The following SSPN variants were observed in gnomAD, a reference collection of about 807,000 sequenced individuals.
The protein encoded by SSPN is K-ras oncogene-associated protein.
SSPN carries 15 observed loss-of-function variants against 19.1 expected under a neutral mutation model. The observed-to-expected ratio is 0.78, with a 90% CI of 0.52 to 1.21. The LOEUF (loss-of-function observed/expected upper bound fraction) is 1.21, where lower values mean the gene tolerates loss of function less well. Among genes scored for constraint, SSPN ranks in the 50% most tolerant of loss-of-function variants. The pLI is 0.00. For missense variants in SSPN, 291 were observed against 314.0 expected, an observed-to-expected ratio of 0.93 and a Z score of 0.55; for synonymous variants, 147 against 140.3, an observed-to-expected ratio of 1.05 and a Z score of -0.34.
At chr12:26,177,348 C>T (rs1944690549) in intron 1 of SSPN, among the ~76,000 whole-genome samples, 1 of 152,212 alleles carries the variant, frequency 6.6e-6, no homozygotes, top group African/African-American at 2.4e-5. Flanking sequence ...TGCTACATGG[C>T]TCTAGACACT....
At chr12:26,230,663 A>C (rs1359832267) in intron 2 of SSPN, 48 bp from the exon 3 acceptor site, 19 of 1,537,710 alleles carry the variant, frequency 1.2e-5, no homozygotes, top group Non-Finnish European at 1.7e-5. Flanking sequence ...GCAAATCATC[A>C]TCCAATGTTC....
chr12:26,133,900 G>C (rs1380252786), intron 1 of SSPN, among the ~76,000 whole-genome samples: 1 of 152,222 alleles, frequency 6.6e-6, no homozygotes, highest in Non-Finnish European at 1.5e-5. Context: ...AGCTGGTGCT[G>C]AGTTGGCATC....
chr12:26,130,910 T>TC (rs398116246), intron 1 of SSPN, among the ~76,000 whole-genome samples: 1 of 151,830 alleles, frequency 6.6e-6, no homozygotes, highest in Non-Finnish European at 1.5e-5. Context: ...TTTTTTTTTT[T>TC]GCAAGCTCCA....
chr12:26,222,138 C>T (rs1211153032), intron 1 of SSPN, among the ~76,000 whole-genome samples: 1 of 152,212 alleles, frequency 6.6e-6, no homozygotes, highest in Non-Finnish European at 1.5e-5. Context: ...CCAGATCTCT[C>T]CAGTCCATGC....
chr12:26,194,979 GC>G (rs1170416068), upstream of SSPN, among the ~76,000 whole-genome samples: 2 of 152,172 alleles, frequency 1.3e-5, no homozygotes, highest in East Asian at 3.8e-4. Flanking sequence ...AACACAGTGA[GC>G]CCCTGTTTGG....
intron 1 of SSPN, among the ~76,000 whole-genome samples, chr12:26,219,381 A>G (rs1314531433): frequency 6.6e-6 from 1 of 152,206 alleles, no homozygotes; most frequent in East Asian, 1.9e-4. Flanking sequence ...TCTACCTTTT[A>G]TTCATAATAC....
At chr12:26,184,449 A>G (rs1944739320) in intron 1 of SSPN, among the ~76,000 whole-genome samples, 2 of 152,228 alleles carry the variant, frequency 1.3e-5, no homozygotes, top group Non-Finnish European at 2.9e-5. Flanking sequence ...AGTTCAAGAA[A>G]GACACAGTTC....
At position 26,232,735 on chromosome 12, in the gene SSPN, A is replaced by G; in HGVS notation, c.*1659A>G. On this transcript the variant is annotated 3_prime_UTR_variant, in exon 3 of 3. Transcript: ENST00000242729. Reference sequence around the variant, plus strand: ...ATCTTTTATGTCCTCTAGATAAAACACCCGATTAACAGATGTTAAACCTTT... The same window carrying G: ...ATCTTTTATGTCCTCTAGATAAAACGCCCGATTAACAGATGTTAAACCTTT... 1.0e-6 allele frequency: 1 copy of G among 984,022 alleles called. No homozygotes were observed. The highest frequency in any genetic ancestry group is 1.2e-6 in the Non-Finnish European group (1 of 828,746). The allele number at this position is 984,022 out of a possible 1,614,324, so 61.0% of individuals were successfully genotyped here. A position where few individuals can be genotyped will look rare whatever the true frequency, so the allele number is the denominator to read the frequency against.
At chr12:26,177,388 C>T (rs904673793) in intron 1 of SSPN, among the ~76,000 whole-genome samples, 4 of 152,146 alleles carry the variant, frequency 2.6e-5, no homozygotes, top group African/African-American at 4.8e-5. Context: ...TGGACACCTT[C>T]GTCTGCATCC....
intron 1 of SSPN, among the ~76,000 whole-genome samples, chr12:26,223,197 C>T (rs913199468): frequency 1.1e-4 from 16 of 152,104 alleles, no homozygotes; most frequent in African/African-American, 3.6e-4. Context: ...TTCATCCTAC[C>T]CTTTTTGCTC....
upstream of SSPN, among the ~76,000 whole-genome samples, chr12:26,194,109 A>T (rs1944805599): frequency 6.6e-6 from 1 of 152,180 alleles, no homozygotes; most frequent in Non-Finnish European, 1.5e-5. Flanking sequence ...TGTTACAATG[A>T]CCATACCAAA....
chr12:26,190,748 T>C (rs1565682365), upstream of SSPN, among the ~76,000 whole-genome samples: 2 of 152,276 alleles, frequency 1.3e-5, no homozygotes, highest in East Asian at 3.9e-4. Flanking sequence ...ACTCCCTGTA[T>C]TTCTCTTTTT....
chr12:26,198,777 G>T (rs1944852677), intron 1 of SSPN, among the ~76,000 whole-genome samples: 2 of 152,140 alleles, frequency 1.3e-5, no homozygotes, highest in African/African-American at 2.4e-5. Flanking sequence ...CTTTCTGGAG[G>T]TTTATAAAAA....
chr12:26,134,046 A>G (rs1944411964), intron 1 of SSPN, among the ~76,000 whole-genome samples: 1 of 152,112 alleles, frequency 6.6e-6, no homozygotes. Flanking sequence ...ATAGCTTCCT[A>G]TTTCCATTAA....
chr12:26,172,443 T>A (rs1944658952), intron 1 of SSPN, among the ~76,000 whole-genome samples: 2 of 152,216 alleles, frequency 1.3e-5, no homozygotes, highest in Non-Finnish European at 2.9e-5. Context: ...TTTCTCTGTT[T>A]CTCGATGAGC....
At chr12:26,149,364 C>T (rs1229464733) in intron 1 of SSPN, among the ~76,000 whole-genome samples, 1 of 152,136 alleles carries the variant, frequency 6.6e-6, no homozygotes, top group Non-Finnish European at 1.5e-5. Context: ...ACTGTGAGAG[C>T]AAGAATTATT....
intron 1 of SSPN, among the ~76,000 whole-genome samples, chr12:26,136,038 A>AGGTTGGT (rs1411030286): frequency 1.3e-5 from 2 of 152,246 alleles, no homozygotes; most frequent in Non-Finnish European, 2.9e-5. Context: ...ACCTTAGGAT[A>AGGTTGGT]TAAATATTTG....
At chr12:26,131,049 A>G (rs951828771) in intron 1 of SSPN, among the ~76,000 whole-genome samples, 3 of 152,224 alleles carry the variant, frequency 2.0e-5, no homozygotes, top group African/African-American at 4.8e-5. Context: ...GGCACTAGCC[A>G]TCTCTGCAGT....
chr12:26,137,841 T>C (rs893136080), intron 1 of SSPN, among the ~76,000 whole-genome samples: 8 of 151,182 alleles, frequency 5.3e-5, no homozygotes, highest in African/African-American at 1.9e-4. Flanking sequence ...AATTTTTTTG[T>C]ATTTTAGTAG....
Sources: gnomAD v4.1 joint callset for allele counts (sites outside exome capture counted in the v4.1 genomes callset) on GRCh38, gnomAD v4.1.1 for gene constraint, MANE v1.5 for transcripts, NCBI Gene and HGNC (gene_info 2026-07-23, HGNC 2026-07-21) for gene names.